Variants in TRIM5 observed in about 807,000 individuals in gnomAD.
TRIM5 encodes tripartite motif containing 5.
Under a neutral mutation model 35.6 loss-of-function variants are expected in TRIM5, and 31 were observed. That is an observed-to-expected ratio of 0.87 (90% CI 0.65 to 1.18). The LOEUF is 1.18. Ranked by LOEUF, TRIM5 falls within the 50% of genes most tolerant of loss-of-function variation. The probability of loss-of-function intolerance (pLI) is 0.00; values close to 1 mark genes in which losing one functional copy is unlikely to be tolerated. For missense variants in TRIM5, 609 were observed against 591.6 expected (o/e 1.03, Z -0.31); for synonymous variants, 243 against 215.6 (o/e 1.13, Z -1.11).
At chr11:5,642,706 C>T in the TRIM5 span, 49 of 1,484,268 alleles carry the variant, frequency 3.3e-5, no homozygotes, top group Non-Finnish European at 4.5e-5. Flanking sequence ...AATTCACTAG[C>T]TCACAGCTTC....
rs138393052 is a variant in TRIM5, at chr11:5,679,169, C to G, written c.418G>C (p.Val140Leu). Residue 140 changes from valine (V) to leucine (L), a missense_variant and splice_region_variant, in exon 3 of 8, where the codon GTG becomes CTG. By Grantham distance (32) the Val-to-Leu change is conservative. Transcript: ENST00000380034. ...ATCTCCAGAGCTGCCTGGAGCTTCA[C>G]CTGTGAGAAAGGAATCACACCATAG... is the stretch of plus-strand genomic sequence containing the variant. Reference protein sequence around the residue: ...LTEEVAREYQVKLQAALEMLR... With the variant: ...LTEEVAREYQLKLQAALEMLR... 5,280 of 1,613,652 alleles carry G rather than the reference C, an allele frequency of 3.3e-3. 14 individuals carry two copies. The highest frequency in any genetic ancestry group is 4.2e-3 in the Non-Finnish European group (4,928 of 1,179,708).
the TRIM5 span, among the ~76,000 whole-genome samples, chr11:5,618,996 T>C: frequency 1.3e-5 from 2 of 152,268 alleles, no homozygotes; most frequent in East Asian, 3.9e-4. Context: ...TTCACAGTAA[T>C]CCTGGAGAAA....
chr11:5,627,115 C>T, the TRIM5 span, among the ~76,000 whole-genome samples: 1 of 152,134 alleles, frequency 6.6e-6, no homozygotes, highest in Non-Finnish European at 1.5e-5. Context: ...CAGTAGCTCA[C>T]ACCTGTAATC....
At chr11:5,613,278 C>G in the TRIM5 span, among the ~76,000 whole-genome samples, 7 of 152,230 alleles carry the variant, frequency 4.6e-5, no homozygotes, top group Non-Finnish European at 1.0e-4. Flanking sequence ...GAGAATGATT[C>G]TGCAGACTCT....
chr11:5,617,236 G>C, the TRIM5 span, among the ~76,000 whole-genome samples: 2 of 144,818 alleles, frequency 1.4e-5, 1 homozygote, highest in East Asian at 4.4e-4. Context: ...GAGGAGAAAT[G>C]TTAGGAGAGA....
At chr11:5,644,056 C>A in the TRIM5 span, 17 of 416,884 alleles carry the variant, frequency 4.1e-5, no homozygotes, top group Admixed American at 4.9e-4. Flanking sequence ...ATAGGAACCA[C>A]CCCCATGACC....
the TRIM5 span, among the ~76,000 whole-genome samples, chr11:5,619,246 A>G: frequency 6.6e-6 from 1 of 151,644 alleles, no homozygotes; most frequent in African/African-American, 2.4e-5. Flanking sequence ...ACAGATTGCC[A>G]TTATCAATAT....
chr11:5,660,304 T>C (rs1253249868), downstream of TRIM5, among the ~76,000 whole-genome samples: 1 of 152,132 alleles, frequency 6.6e-6, no homozygotes, highest in African/African-American at 2.4e-5. Flanking sequence ...AGCAAGTACA[T>C]ATATTGTTAA....
the TRIM5 span, among the ~76,000 whole-genome samples, chr11:5,623,228 G>A: frequency 5.3e-5 from 8 of 151,154 alleles, no homozygotes; most frequent in Middle Eastern, 3.4e-3. Flanking sequence ...TTTGGGTCCC[G>A]AGATTTTCTT....
At chr11:5,632,821 C>CTT in the TRIM5 span, 6 of 1,189,790 alleles carry the variant, frequency 5.0e-6, no homozygotes, top group South Asian at 5.8e-5. Flanking sequence ...ACCTTTTCAT[C>CTT]CTTTTTTTTT....
Position 5,665,216 on chromosome 11 carries a change from G to A in TRIM5, c.1075C>T (p.His359Tyr), listed in dbSNP as rs775724276. ...TTGGACACGTCTACCTCCCAGTAATGTTTCCCTGATGTGATACTTTGAGAG... is the reference window on the plus strand; with the variant it reads ...TTGGACACGTCTACCTCCCAGTAATATTTCCCTGATGTGATACTTTGAGAG... ...LGSQSITSGKHYWEVDVSKKT... is the reference protein window; with the variant it reads ...LGSQSITSGKYYWEVDVSKKT... The change falls in exon 8 of 8, where the codon CAT becomes TAT. Residue 359 changes from histidine (H) to tyrosine (Y), a missense_variant. His to Tyr is a moderately conservative substitution (Grantham distance 83, BLOSUM62 2). Coordinates refer to ENST00000380034, the MANE Select transcript of TRIM5 (RefSeq NM_033034.3). 1 of 1,614,118 alleles carries A rather than the reference G, an allele frequency of 6.2e-7. No homozygotes were observed. Among genetic ancestry groups the A allele is most frequent in the Non-Finnish European group, 8.5e-7 (1 of 1,180,000 alleles).
chr11:5,595,933 G>A, the TRIM5 span, among the ~76,000 whole-genome samples: 5 of 151,990 alleles, frequency 3.3e-5, no homozygotes, highest in African/African-American at 1.2e-4. Flanking sequence ...CGCCCGCCTC[G>A]GCCTCCCAAA....
the TRIM5 span, among the ~76,000 whole-genome samples, chr11:5,621,025 C>T: frequency 5.9e-5 from 9 of 152,260 alleles, 1 homozygote; most frequent in South Asian, 1.9e-3. Flanking sequence ...GTGGGGGAAG[C>T]GATTCCAAGT....
the TRIM5 span, among the ~76,000 whole-genome samples, chr11:5,618,189 G>A: frequency 6.6e-6 from 1 of 152,126 alleles, no homozygotes; most frequent in African/African-American, 2.4e-5. Context: ...GACCAACATG[G>A]TGAAACCCCA....
chr11:5,607,019 C>A, the TRIM5 span, among the ~76,000 whole-genome samples: 1 of 150,582 alleles, frequency 6.6e-6, no homozygotes, highest in African/African-American at 2.4e-5. Flanking sequence ...CTGGCTAACA[C>A]GGTGAAACCC....
the TRIM5 span, among the ~76,000 whole-genome samples, chr11:5,630,143 G>C: frequency 6.6e-6 from 1 of 152,158 alleles, no homozygotes; most frequent in Admixed American, 6.5e-5. Flanking sequence ...GGGCCCTACA[G>C]AGAATATTTT....
chr11:5,679,568 T>C (rs1011005798), intron 2 of TRIM5, among the ~76,000 whole-genome samples, 193 bp downstream of exon 2: 57 of 152,102 alleles, frequency 3.7e-4, no homozygotes, highest in Admixed American at 2.3e-3. Context: ...ATATATACTC[T>C]AGGATTATTC....
At chr11:5,598,811 T>A in the TRIM5 span, among the ~76,000 whole-genome samples, 1 of 152,166 alleles carries the variant, frequency 6.6e-6, no homozygotes. Flanking sequence ...GTTTATTGAG[T>A]TCTATCTAGT....
At chr11:5,602,176 C>T in the TRIM5 span, among the ~76,000 whole-genome samples, 1 of 152,208 alleles carries the variant, frequency 6.6e-6, no homozygotes, top group Non-Finnish European at 1.5e-5. Context: ...TGCAGTGGCT[C>T]ATGCCTGTAG....
Sources: gnomAD v4.1 joint callset for allele counts (sites outside exome capture counted in the v4.1 genomes callset) on GRCh38, gnomAD v4.1.1 for gene constraint, MANE v1.5 for transcripts, NCBI Gene and HGNC (gene_info 2026-07-23, HGNC 2026-07-21) for gene names.